WSB2: variants seen among roughly 807,000 people sequenced by gnomAD.
WSB2 encodes the protein WD repeat and SOCS box-containing protein 2.
Under a neutral mutation model 48.8 loss-of-function variants are expected in WSB2, and 12 were observed. The ratio of observed to expected loss-of-function variants is 0.25; its 90% CI spans 0.16 to 0.40. The LOEUF (loss-of-function observed/expected upper bound fraction) is 0.40, where lower values mean the gene tolerates loss of function less well. Among genes scored for constraint, WSB2 ranks in the 10% least tolerant of loss-of-function variants. The pLI, the probability that WSB2 is intolerant of heterozygous loss-of-function variation, is 1.00. For synonymous variants in WSB2, 191 were observed against 203.1 expected (o/e 0.94, Z 0.51); for missense variants, 317 against 506.2 (o/e 0.63, Z 3.59).
In WSB2 at chr12:118,036,369, G is replaced by T. The variant is rs2031510521; in HGVS notation, c.802C>A (p.Pro268Thr). 6.2e-7 allele frequency: 1 copy of T among 1,614,134 alleles called. No individual in the cohort carries two copies. Among genetic ancestry groups the T allele is most frequent in the Non-Finnish European group, 8.5e-7 (1 of 1,180,020 alleles). ...SYDTNVIMWD[P>T]YTGERLRSLH... ...GACCTCAGCCTTTCGCCGGTGTAGG[G>T]GTCCCACATAATCACATTGGTATCG... The change falls in exon 6 of 9, where the codon CCC (proline) becomes ACC (threonine). Residue 268 changes from proline to threonine, a missense_variant. Physicochemically the swap from Pro to Thr is conservative, Grantham distance 38. Coordinates refer to ENST00000315436, the MANE Select transcript of WSB2 (RefSeq NM_018639.5).
chr12:118,044,242 C>T (rs1250747282), intron 2 of WSB2, among the ~76,000 whole-genome samples: 2 of 152,158 alleles, frequency 1.3e-5, no homozygotes. Flanking sequence ...TCCAGGGAGT[C>T]ACATGCTTGC....
chr12:118,033,401 T>A lies in WSB2; in HGVS notation c.*795A>T, dbSNP rs2031418609. On this transcript the variant is annotated 3_prime_UTR_variant, in exon 9 of 9. Transcript: ENST00000315436. ...AGAAAAACACAGTTGTACCTTAACATCTGTTGAGAAAATACAAATAAATAT... is the reference window on the plus strand; with the variant it reads ...AGAAAAACACAGTTGTACCTTAACAACTGTTGAGAAAATACAAATAAATAT... The A allele has an allele frequency of 1.3e-5, 2 of 152,648 alleles. No homozygotes were observed. Among genetic ancestry groups the A allele is most frequent in the Admixed American group, 1.3e-4 (2 of 15,274 alleles). 9.5% of individuals were successfully genotyped at this position (152,648 alleles called of 1,614,324 possible).
intron 4 of WSB2, among the ~76,000 whole-genome samples, chr12:118,040,284 C>G (rs2031609271): frequency 6.6e-6 from 1 of 152,084 alleles, no homozygotes; most frequent in African/African-American, 2.4e-5. Context: ...CAGCTGGGAA[C>G]CAACTTTATT....
chr12:118,053,123 T>C (rs1025068550), intron 1 of WSB2, among the ~76,000 whole-genome samples: 1 of 152,100 alleles, frequency 6.6e-6, no homozygotes, highest in Non-Finnish European at 1.5e-5. Flanking sequence ...AAAGCTGAAA[T>C]ACCCACACAT....
In WSB2 at chr12:118,034,970, G is replaced by A. The variant is rs745731845; in HGVS notation, c.1052+16C>T. 6.2e-7 allele frequency: 1 copy of A among 1,611,822 alleles called. No homozygotes were observed. Among genetic ancestry groups the A allele is most frequent in the South Asian group, 1.1e-5 (1 of 91,036 alleles). On this transcript the variant is annotated intron_variant, in intron 8 of 8. Coordinates refer to ENST00000315436, the MANE Select transcript of WSB2 (RefSeq NM_018639.5). ...GCAGAAAGCACCACCCATCTGTTCAGCTAACAAATACATACCCTGTGGCAA... is the reference window on the plus strand; with the variant it reads ...GCAGAAAGCACCACCCATCTGTTCAACTAACAAATACATACCCTGTGGCAA...
intron 2 of WSB2, among the ~76,000 whole-genome samples, chr12:118,046,788 T>A (rs980183597): frequency 2.0e-5 from 3 of 152,210 alleles, no homozygotes; most frequent in Non-Finnish European, 2.9e-5. Flanking sequence ...TGGTTTTTTT[T>A]AAAGACAGGG....
At position 118,061,149 on chromosome 12, in the gene WSB2, C is replaced by T. The variant is rs2032058283; in HGVS notation, c.-101G>A. The stretch of plus-strand genomic sequence containing the variant: ...GCGCCGCCCGCCCCGGCCAGGCCGC[C>T]GCCGCCGCCCGGAGAGGCCATCAGC... On this transcript the variant is annotated 5_prime_UTR_variant, in exon 1 of 9. Transcript: ENST00000315436. 2 of 982,234 alleles carry T rather than the reference C, an allele frequency of 2.0e-6. No homozygotes were observed. The highest frequency in any genetic ancestry group is 2.4e-6 in the Non-Finnish European group (2 of 828,654). 60.8% of individuals were successfully genotyped at this position (982,234 alleles called of 1,614,324 possible). A position where few individuals can be genotyped will look rare whatever the true frequency, so the allele number is the denominator to read the frequency against.
chr12:118,055,781 A>C (rs1256453787), intron 1 of WSB2, among the ~76,000 whole-genome samples: 1 of 151,512 alleles, frequency 6.6e-6, no homozygotes, highest in Non-Finnish European at 1.5e-5. Context: ...CACCCAGCTA[A>C]TTTTTGTATT....
chr12:118,052,608 T>C (rs1301710398), intron 1 of WSB2, 130 bp from the exon 2 acceptor site: 1 of 1,426,396 alleles, frequency 7.0e-7, no homozygotes, highest in Non-Finnish European at 9.5e-7. Context: ...GTCACTTAAA[T>C]GACCCAGGGC....
chr12:118,035,451 C>T (rs545003006), intron 6 of WSB2, 127 bp from the exon 7 acceptor site: 54 of 749,032 alleles, frequency 7.2e-5, no homozygotes, highest in South Asian at 3.9e-4. Context: ...GTGTGCCCCT[C>T]GTGGAAAAGC....
chr12:118,041,208 T>C (rs916882026), intron 4 of WSB2, among the ~76,000 whole-genome samples: 15 of 152,088 alleles, frequency 9.9e-5, no homozygotes, highest in African/African-American at 3.6e-4. Flanking sequence ...GTGATGGTAT[T>C]AGGAGGCGGG....
chr12:118,051,581 G>A (rs1293032234), intron 2 of WSB2, among the ~76,000 whole-genome samples: 1 of 152,226 alleles, frequency 6.6e-6, no homozygotes, highest in Non-Finnish European at 1.5e-5. Flanking sequence ...GAGAGACAAA[G>A]TAGATTAGTG....
At chr12:118,053,140 A>G (rs2031887125) in intron 1 of WSB2, among the ~76,000 whole-genome samples, 1 of 151,982 alleles carries the variant, frequency 6.6e-6, no homozygotes, top group South Asian at 2.1e-4. Context: ...ACATCACATC[A>G]TTTCTTTCAA....
rs1333656100 is a variant in WSB2 at position 118,033,273 on chromosome 12, G to A, written c.*923C>T. ...AAGTTAAACAGCAGAGACAGATCTC[G>A]TACATAAGAGTATCAGCTAAAGTCA... is the stretch of plus-strand genomic sequence containing the variant. On this transcript the variant is annotated 3_prime_UTR_variant, in exon 9 of 9. Coordinates refer to ENST00000315436, the MANE Select transcript of WSB2 (RefSeq NM_018639.5). 2 of 152,560 alleles carry A rather than the reference G, an allele frequency of 1.3e-5. No homozygotes were observed. Among genetic ancestry groups the A allele is most frequent in the East Asian group, 1.9e-4 (1 of 5,178 alleles). The allele number at this position is 152,560 out of a possible 1,614,324, so 9.5% of individuals were successfully genotyped here. A position where few individuals can be genotyped will look rare whatever the true frequency, so the allele number is the denominator to read the frequency against.
rs1010803505 is a variant in WSB2 at position 118,051,036 on chromosome 12, A to C, written c.182+1274T>G. The stretch of plus-strand genomic sequence containing the variant: ...CACTGTACTCCAGCCTGAACAACAG[A>C]GTGAGACTCTGTCTCAAAAAAAGAA... On this transcript the variant is annotated intron_variant, in intron 2 of 8. Coordinates refer to ENST00000315436, the MANE Select transcript of WSB2 (RefSeq NM_018639.5). 3.9e-5 allele frequency among the ~76,000 whole-genome samples: 6 copies of C among 152,032 alleles called. 1 individual carries two copies. Among genetic ancestry groups the C allele is most frequent in the Non-Finnish European group, 5.9e-5 (4 of 68,006 alleles).
chr12:118,037,456 C>T (rs2031538255), intron 5 of WSB2, among the ~76,000 whole-genome samples: 2 of 152,148 alleles, frequency 1.3e-5, no homozygotes, highest in African/African-American at 4.8e-5. Flanking sequence ...CACCTGAGGT[C>T]AGGAGTTCAA....
At chr12:118,035,137 C>T (rs769453827) in intron 7 of WSB2, 44 bp from the exon 8 acceptor site, 2 of 1,612,518 alleles carry the variant, frequency 1.2e-6, no homozygotes, top group African/African-American at 1.3e-5. Flanking sequence ...TGACCCAGGG[C>T]CAGACCAAGA....
chr12:118,057,335 C>T (rs867850292), intron 1 of WSB2, among the ~76,000 whole-genome samples: 4 of 151,906 alleles, frequency 2.6e-5, no homozygotes, highest in African/African-American at 9.7e-5. Context: ...AGTGCAGTGG[C>T]GCCATCTCGG....
chr12:118,051,930 C>T (rs1340249061), intron 2 of WSB2, among the ~76,000 whole-genome samples: 5 of 152,050 alleles, frequency 3.3e-5, no homozygotes, highest in Non-Finnish European at 5.9e-5. Flanking sequence ...GCCAAGATTG[C>T]GCCATTGCAC....
Sources: allele counts gnomAD v4.1 joint callset (sites outside exome capture counted in the v4.1 genomes callset), GRCh38; gene constraint gnomAD v4.1.1; transcripts MANE v1.5; gene names NCBI Gene and HGNC (gene_info 2026-07-23, HGNC 2026-07-21).